The following GLIS3 variants were observed in gnomAD, a reference collection of about 807,000 sequenced individuals.
GLIS3 encodes the protein zinc finger protein GLIS3.
In GLIS3, 53 loss-of-function variants were observed where a neutral mutation model predicts 78.6. The observed-to-expected ratio is 0.67, with a 90% CI of 0.54 to 0.85. The LOEUF is 0.85. Ranked by LOEUF, GLIS3 falls within the 40% of genes least tolerant of loss-of-function variation. The probability of loss-of-function intolerance (pLI) is 0.00; values close to 1 mark genes in which losing one functional copy is unlikely to be tolerated. For synonymous variants in GLIS3, 684 were observed against 509.9 expected (o/e 1.34, Z -4.60); for missense variants, 1,703 against 1,231.1 (o/e 1.38, Z -5.74).
upstream of GLIS3, among the ~76,000 whole-genome samples, chr9:4,302,591 A>G (rs1419775628): frequency 6.6e-6 from 1 of 152,268 alleles, no homozygotes; most frequent in Non-Finnish European, 1.5e-5. Context: ...CAAATGTATG[A>G]TGTGGCTATG....
chr9:4,301,017 C>G (rs1817048680), upstream of GLIS3, among the ~76,000 whole-genome samples: 1 of 152,092 alleles, frequency 6.6e-6, no homozygotes, highest in Non-Finnish European at 1.5e-5. Context: ...GTAGTAGATG[C>G]TTTGATCAAG....
intron 2 of GLIS3, among the ~76,000 whole-genome samples, chr9:4,133,871 CA>C (rs1564098540): frequency 0.045 from 6,153 of 138,006 alleles, 236 homozygotes; most frequent in South Asian, 0.072. Context: ...CACACACACA[CA>C]CACCGTACAT....
At chr9:4,386,785 A>C in the GLIS3 span, among the ~76,000 whole-genome samples, 13 of 152,170 alleles carry the variant, frequency 8.5e-5, no homozygotes, top group Non-Finnish European at 1.6e-4. Context: ...TGTCATAGCT[A>C]AAGTGTGAAT....
intron 4 of GLIS3, chr9:4,305,647 TG>T (rs1246226099): frequency 6.6e-6 from 1 of 152,242 alleles, no homozygotes; most frequent in East Asian, 1.9e-4. Context: ...TAACCCAGTT[TG>T]GGCTAAATGA....
At chr9:4,140,945 C>A (rs1038760052) in intron 2 of GLIS3, among the ~76,000 whole-genome samples, 2 of 152,100 alleles carry the variant, frequency 1.3e-5, no homozygotes, top group Non-Finnish European at 2.9e-5. Flanking sequence ...ATTATCGGCG[C>A]GTGCCACCAC....
the GLIS3 span, among the ~76,000 whole-genome samples, chr9:4,444,192 C>G: frequency 6.6e-6 from 1 of 152,104 alleles, no homozygotes; most frequent in African/African-American, 2.4e-5. Context: ...GCCCTTGTAC[C>G]AATCAGCATA....
the GLIS3 span, among the ~76,000 whole-genome samples, chr9:4,442,746 T>C: frequency 6.6e-6 from 1 of 152,170 alleles, no homozygotes; most frequent in African/African-American, 2.4e-5. Flanking sequence ...ACCATTAGAT[T>C]TCTTTACATG....
intron 4 of GLIS3, among the ~76,000 whole-genome samples, chr9:3,949,430 G>GT (rs1816519456): frequency 2.0e-5 from 3 of 152,288 alleles, no homozygotes; most frequent in Non-Finnish European, 4.4e-5. Context: ...AAAATGCAAA[G>GT]TGATACCTGG....
chr9:4,227,983 A>C (rs983615269), intron 2 of GLIS3, among the ~76,000 whole-genome samples: 1 of 152,178 alleles, frequency 6.6e-6, no homozygotes, highest in Non-Finnish European at 1.5e-5. Context: ...GTACATGTCT[A>C]ACTTAGAAAA....
intron 4 of GLIS3, among the ~76,000 whole-genome samples, chr9:3,994,915 A>G (rs1250258485): frequency 6.6e-6 from 1 of 152,224 alleles, no homozygotes; most frequent in Non-Finnish European, 1.5e-5. Context: ...ACAAGCAAGC[A>G]AACAAAAAGC....
intron 2 of GLIS3, among the ~76,000 whole-genome samples, chr9:4,274,840 T>G (rs957635503): frequency 1.3e-5 from 2 of 152,180 alleles, no homozygotes; most frequent in Non-Finnish European, 2.9e-5. Flanking sequence ...TGGAGTGCCC[T>G]GTACATTTCT....
intron 9 of GLIS3, among the ~76,000 whole-genome samples, chr9:3,845,642 A>G (rs1476139053): frequency 6.6e-6 from 1 of 152,234 alleles, no homozygotes; most frequent in Non-Finnish European, 1.5e-5. Flanking sequence ...GATTTATAAT[A>G]GTAATTAGGC....
At chr9:3,856,520 G>A (rs1437249913) in intron 8 of GLIS3, among the ~76,000 whole-genome samples, 1 of 152,054 alleles carries the variant, frequency 6.6e-6, no homozygotes, top group East Asian at 1.9e-4. Context: ...CCCTTTTTCT[G>A]CTAATTTTTA....
chr9:3,982,274 T>C (rs922757360), intron 4 of GLIS3, among the ~76,000 whole-genome samples: 5 of 151,872 alleles, frequency 3.3e-5, no homozygotes, highest in African/African-American at 1.2e-4. Context: ...CTACACTGCC[T>C]CTTATTGTCT....
chr9:4,325,371 A>G (rs1038040552), intron 2 of GLIS3, among the ~76,000 whole-genome samples: 6 of 152,248 alleles, frequency 3.9e-5, no homozygotes, highest in South Asian at 2.1e-4. Flanking sequence ...GTGCTAGGGC[A>G]TAATGTTTGG....
At position 4,286,307 on chromosome 9, in the gene GLIS3, G is replaced by A; in HGVS notation, c.119C>T (p.Pro40Leu). ...ACTCGATGTGCTGCCACAGGGCGAG[G>A]GGCCAGGAGTCCCGGAGTGGGCTCG... ...AIRAHSGTPG[P>L]SPCGSTSSPT... The change falls in exon 2 of 11, where the codon CCC becomes CTC. Residue 40 changes from proline (P) to leucine (L), a missense_variant. Pro to Leu is a moderately conservative substitution (Grantham distance 98, BLOSUM62 -3). Transcript: ENST00000381971. 2 of 1,614,210 alleles carry A rather than the reference G, an allele frequency of 1.2e-6. No homozygotes were observed. Among genetic ancestry groups the A allele is most frequent in the Admixed American group, 1.7e-5 (1 of 60,036 alleles).
At chr9:4,010,518 A>G (rs1046948599) in intron 4 of GLIS3, among the ~76,000 whole-genome samples, 4 of 152,054 alleles carry the variant, frequency 2.6e-5, no homozygotes, top group Non-Finnish European at 5.9e-5. Flanking sequence ...TACAAATTGG[A>G]AAGCAGAAGT....
intron 4 of GLIS3, among the ~76,000 whole-genome samples, chr9:4,033,869 A>AC (rs1824074292): frequency 6.7e-6 from 1 of 149,198 alleles, no homozygotes; most frequent in Non-Finnish European, 1.5e-5. Context: ...AAGGATAAAA[A>AC]AAAAAAAAAA....
intron 4 of GLIS3, among the ~76,000 whole-genome samples, chr9:4,058,512 T>C (rs929917518): frequency 2.0e-5 from 3 of 152,106 alleles, no homozygotes; most frequent in East Asian, 1.9e-4. Context: ...ATGTTATCTA[T>C]TTTTTCCAAT....
Sources: gnomAD v4.1 joint callset for allele counts (sites outside exome capture counted in the v4.1 genomes callset) on GRCh38, gnomAD v4.1.1 for gene constraint, MANE v1.5 for transcripts, NCBI Gene and HGNC (gene_info 2026-07-23, HGNC 2026-07-21) for gene names.